SHTN1: variants seen among roughly 807,000 people sequenced by gnomAD.
The protein encoded by SHTN1 is shootin-1.
In SHTN1, 42 loss-of-function variants were observed where a neutral mutation model predicts 83.1. The observed-to-expected ratio is 0.51, with a 90% CI of 0.39 to 0.65. SHTN1 has a LOEUF of 0.65. Among genes scored for constraint, SHTN1 ranks in the 30% least tolerant of loss-of-function variants. The pLI is 0.00. For missense variants in SHTN1, 622 were observed against 737.8 expected, an observed-to-expected ratio of 0.84 and a Z score of 1.82; for synonymous variants, 224 against 247.7, an observed-to-expected ratio of 0.90 and a Z score of 0.90.
chr10:116,934,355 G>C (rs765861933), intron 9 of SHTN1, among the ~76,000 whole-genome samples: 2 of 152,158 alleles, frequency 1.3e-5, no homozygotes, highest in Non-Finnish European at 2.9e-5. Flanking sequence ...ATTTACGTAA[G>C]GAAGAGGTCC....
chr10:116,926,265 A>C (rs1325161041), intron 11 of SHTN1, among the ~76,000 whole-genome samples: 1 of 152,200 alleles, frequency 6.6e-6, no homozygotes, highest in Non-Finnish European at 1.5e-5. Flanking sequence ...GCCAACAGCA[A>C]GACTGTAATT....
intron 1 of SHTN1, among the ~76,000 whole-genome samples, chr10:117,058,296 C>T (rs1424258227): frequency 6.6e-6 from 1 of 152,106 alleles, no homozygotes; most frequent in African/African-American, 2.4e-5. Flanking sequence ...CATTAAAAGC[C>T]AGACTATATA....
intron 1 of SHTN1, among the ~76,000 whole-genome samples, chr10:117,069,635 T>C (rs1376368894): frequency 2.6e-5 from 4 of 152,216 alleles, no homozygotes; most frequent in African/African-American, 9.6e-5. Flanking sequence ...AAGTAAATTA[T>C]TACTATTACA....
intron 2 of SHTN1, among the ~76,000 whole-genome samples, chr10:116,969,481 G>A (rs114146107): frequency 0.013 from 1,983 of 152,174 alleles, 52 homozygotes; most frequent in African/African-American, 0.046. Context: ...GCAGCCACAT[G>A]GCACACACTC....
chr10:116,932,287 C>A (rs1253874127), intron 9 of SHTN1, among the ~76,000 whole-genome samples: 2 of 152,132 alleles, frequency 1.3e-5, no homozygotes, highest in African/African-American at 4.8e-5. Context: ...TAGCAGCAGG[C>A]ACGAGCAAGC....
intron 2 of SHTN1, among the ~76,000 whole-genome samples, chr10:117,014,002 C>G (rs1852144785): frequency 6.6e-6 from 1 of 151,932 alleles, no homozygotes; most frequent in South Asian, 2.1e-4. Context: ...ACAGTGTATA[C>G]AGATCTTGAA....
intron 2 of SHTN1, among the ~76,000 whole-genome samples, chr10:117,016,023 A>G (rs942436501): frequency 1.3e-5 from 2 of 152,200 alleles, no homozygotes; most frequent in African/African-American, 4.8e-5. Flanking sequence ...ACTGCTTAGC[A>G]TTTTTGAACC....
At chr10:116,945,158 G>A (rs1849530277) in intron 7 of SHTN1, 140 bp from the exon 8 acceptor site, 1 of 610,128 alleles carries the variant, frequency 1.6e-6, no homozygotes. Context: ...CATACAAACT[G>A]ATAAAACCTT....
At chr10:116,991,557 ACT>A (rs1270122231) in intron 1 of SHTN1, among the ~76,000 whole-genome samples, 1 of 152,056 alleles carries the variant, frequency 6.6e-6, no homozygotes, top group Non-Finnish European at 1.5e-5. Flanking sequence ...TCTCAGGGGA[ACT>A]CTCAGGGAGG....
At position 116,948,950 on chromosome 10, in the gene SHTN1, A is replaced by G. The variant is rs1849680804; in HGVS notation, c.582T>C (p.Leu194=). 3 of 1,577,060 alleles carry G rather than the reference A, an allele frequency of 1.9e-6. No homozygotes were observed. Among genetic ancestry groups the G allele is most frequent in the Non-Finnish European group, 2.6e-6 (3 of 1,162,702 alleles). Residue 194 remains leucine (L), a synonymous_variant, in exon 7 of 17, where the codon CTT becomes CTC. Transcript: ENST00000355371. ...ATTTTTCTAAGACTTTTCTCTGTTC[A>G]AGAACTTCTGAATTTAAAACAGTCT... is the stretch of plus-strand genomic sequence containing the variant. ...QEKTVLNSEV[L]EQRKVLEKCN...
intron 1 of SHTN1, among the ~76,000 whole-genome samples, chr10:117,115,624 T>G (rs1038354273): frequency 1.3e-5 from 2 of 152,196 alleles, no homozygotes; most frequent in African/African-American, 4.8e-5. Flanking sequence ...TCTCTCCTTC[T>G]GTATCTCATA....
intron 2 of SHTN1, among the ~76,000 whole-genome samples, chr10:117,025,457 G>A (rs919712686): frequency 2.0e-5 from 3 of 152,266 alleles, no homozygotes; most frequent in Non-Finnish European, 4.4e-5. Context: ...AACTTGAAAG[G>A]CAATCTAAGG....
At chr10:117,030,668 A>G (rs1852402076) in intron 2 of SHTN1, among the ~76,000 whole-genome samples, 3 of 152,102 alleles carry the variant, frequency 2.0e-5, no homozygotes, top group South Asian at 4.1e-4. Flanking sequence ...TGTAATAATT[A>G]GAAAGAATCA....
chr10:116,907,761 G>C (rs1848030505), intron 14 of SHTN1: 4 of 434,780 alleles, frequency 9.2e-6, no homozygotes, highest in South Asian at 1.7e-5. Context: ...TTTGATCAGA[G>C]GACATAAGAA....
chr10:117,051,938 T>C (rs1852746925), intron 1 of SHTN1, among the ~76,000 whole-genome samples: 1 of 135,958 alleles, frequency 7.4e-6, no homozygotes, highest in Non-Finnish European at 1.6e-5. Flanking sequence ...GGAAAAGAAA[T>C]AAAAGTCATC....
chr10:117,115,926 A>G (rs1167212188), intron 1 of SHTN1, among the ~76,000 whole-genome samples: 1 of 152,168 alleles, frequency 6.6e-6, no homozygotes, highest in Non-Finnish European at 1.5e-5. Flanking sequence ...CTCTGATTCA[A>G]CTTTTAATAG....
At chr10:117,089,366 A>C (rs1052323164) in intron 1 of SHTN1, among the ~76,000 whole-genome samples, 2 of 152,222 alleles carry the variant, frequency 1.3e-5, no homozygotes, top group Non-Finnish European at 2.9e-5. Context: ...AGGCAGGATA[A>C]TACTTCAGGA....
chr10:116,922,835 C>T (rs1487780879), intron 11 of SHTN1, among the ~76,000 whole-genome samples: 9 of 151,982 alleles, frequency 5.9e-5, no homozygotes, highest in Non-Finnish European at 1.2e-4. Flanking sequence ...GGCGTGGTGG[C>T]GGACATCTGT....
At chr10:116,927,265 C>T (rs747638408) in intron 11 of SHTN1, among the ~76,000 whole-genome samples, 6 of 152,128 alleles carry the variant, frequency 3.9e-5, no homozygotes, top group Non-Finnish European at 8.8e-5. Flanking sequence ...TAAAGGAAAT[C>T]TTAATGTTAT....
Sources: allele counts gnomAD v4.1 joint callset (sites outside exome capture counted in the v4.1 genomes callset), GRCh38; gene constraint gnomAD v4.1.1; transcripts MANE v1.5; gene names NCBI Gene and HGNC (gene_info 2026-07-23, HGNC 2026-07-21).